Variants in PTPRD observed in about 807,000 individuals in gnomAD.
PTPRD encodes protein tyrosine phosphatase receptor type D.
Under a neutral mutation model 214.5 loss-of-function variants are expected in PTPRD, and 34 were observed. That is an observed-to-expected ratio of 0.16 (90% CI 0.12 to 0.21). The LOEUF (loss-of-function observed/expected upper bound fraction) is 0.21. PTPRD is among the 10% of genes least tolerant of loss of function. PTPRD has a pLI of 1.00. For synonymous variants in PTPRD, 1,128 were observed against 845.7 expected (o/e 1.33, Z -5.79); for missense variants, 2,545 against 2,398.7 (o/e 1.06, Z -1.27).
intron 7 of PTPRD, among the ~76,000 whole-genome samples, chr9:9,639,828 A>C (rs2095879023): frequency 6.6e-6 from 1 of 151,998 alleles, no homozygotes; most frequent in Non-Finnish European, 1.5e-5. Flanking sequence ...GTTTGTATTA[A>C]CTCTTTGGTG....
At chr9:8,498,286 T>C (rs1007269337) in intron 25 of PTPRD, among the ~76,000 whole-genome samples, 1 of 152,204 alleles carries the variant, frequency 6.6e-6, no homozygotes, top group African/African-American at 2.4e-5. Flanking sequence ...TTTTTTAATT[T>C]TATTTTTTGA....
At chr9:8,534,379 G>A (rs1039334447) in intron 14 of PTPRD, among the ~76,000 whole-genome samples, 1 of 151,820 alleles carries the variant, frequency 6.6e-6, no homozygotes, top group African/African-American at 2.4e-5. Flanking sequence ...AAAAAGCCCA[G>A]GAGTGAACCA....
chr9:9,088,099 C>G (rs1326274138), intron 10 of PTPRD, among the ~76,000 whole-genome samples: 1 of 151,264 alleles, frequency 6.6e-6, no homozygotes, highest in African/African-American at 2.4e-5. Context: ...CCAGGCTGGT[C>G]TTGAACTCCT....
chr9:8,501,382 G>A (rs1261659021), intron 23 of PTPRD, among the ~76,000 whole-genome samples: 6 of 152,040 alleles, frequency 3.9e-5, no homozygotes, highest in Non-Finnish European at 8.8e-5. Flanking sequence ...CAATCCCTCA[G>A]TATCTCCCAC....
intron 14 of PTPRD, among the ~76,000 whole-genome samples, chr9:8,570,261 C>G (rs1375688796): frequency 6.6e-6 from 1 of 152,082 alleles, no homozygotes; most frequent in Admixed American, 6.6e-5. Flanking sequence ...ATTTATTGCA[C>G]TTCAGTAACA....
chr9:10,502,265 A>G (rs983863242), intron 2 of PTPRD, among the ~76,000 whole-genome samples: 1 of 151,914 alleles, frequency 6.6e-6, no homozygotes, highest in Non-Finnish European at 1.5e-5. Flanking sequence ...AATTAAGACT[A>G]CATTAGAGAA....
At chr9:10,126,274 T>G (rs2098818440) in intron 3 of PTPRD, among the ~76,000 whole-genome samples, 1 of 152,154 alleles carries the variant, frequency 6.6e-6, no homozygotes, top group African/African-American at 2.4e-5. Flanking sequence ...ACATGGCATT[T>G]ACGTATTGTA....
At chr9:9,220,703 G>A (rs1181479655) in intron 9 of PTPRD, among the ~76,000 whole-genome samples, 3 of 152,116 alleles carry the variant, frequency 2.0e-5, no homozygotes, top group Admixed American at 6.6e-5. Flanking sequence ...AACTACATTT[G>A]ACATATACTG....
intron 11 of PTPRD, among the ~76,000 whole-genome samples, chr9:9,018,182 T>A (rs1266044488): frequency 6.6e-6 from 1 of 152,066 alleles, no homozygotes; most frequent in Non-Finnish European, 1.5e-5. Flanking sequence ...TCCCAACACA[T>A]CTCATTCCAC....
chr9:10,573,215 C>T lies in PTPRD; in HGVS notation c.-600+39183G>A, dbSNP rs73642017. 3.3e-5 allele frequency among the ~76,000 whole-genome samples: 5 copies of T among 152,192 alleles called. No individual in the cohort carries two copies. The South Asian group carries it at 1.0e-3, about 32-fold the overall frequency. ...TGCTAATTTCACCAAAAGAATTAAT[C>T]TTATTTTATATCTGTACATTTTGAT... On this transcript the variant is annotated intron_variant, in intron 2 of 45. Transcript: ENST00000381196.
chr9:9,903,078 A>G (rs10816219), intron 5 of PTPRD, among the ~76,000 whole-genome samples: 95,403 of 151,886 alleles, frequency 0.63, 31,461 homozygotes, highest in Admixed American at 0.74. Flanking sequence ...TGAGCTAAAG[A>G]CATATATTCT....
intron 6 of PTPRD, among the ~76,000 whole-genome samples, chr9:9,765,347 G>A (rs1254324247): frequency 2.0e-5 from 3 of 152,180 alleles, no homozygotes; most frequent in East Asian, 3.9e-4. Context: ...CAAGCATTAC[G>A]TTTGCATGAG....
Position 9,352,323 on chromosome 9 carries a change from A to ATG in PTPRD, c.-203+45125_-203+45126insCA, listed in dbSNP as rs1254185664. On this transcript the variant is annotated intron_variant, in intron 9 of 45. Coordinates refer to ENST00000381196, the MANE Select transcript of PTPRD (RefSeq NM_002839.4). The stretch of plus-strand genomic sequence containing the variant: ...CTGCCAAAAAACCATATATATATAT[A>ATG]TATATGTGTGTGTGTGTGTGTGTGT... 4.7e-4 allele frequency among the ~76,000 whole-genome samples: 52 copies of ATG among 110,544 alleles called. No individual in the cohort carries two copies. In the East Asian group the frequency reaches 0.018, roughly 38 times the overall value. The allele number at this position is 110,544 out of a possible 152,430, so 72.5% of individuals were successfully genotyped here. A position where few individuals can be genotyped will look rare whatever the true frequency, so the allele number is the denominator to read the frequency against.
At chr9:9,141,029 G>T (rs1322293197) in intron 10 of PTPRD, among the ~76,000 whole-genome samples, 11 of 151,928 alleles carry the variant, frequency 7.2e-5, no homozygotes, top group Non-Finnish European at 1.6e-4. Context: ...TGGAATTCAA[G>T]CTTGGTGTTT....
intron 3 of PTPRD, among the ~76,000 whole-genome samples, chr9:10,264,778 G>T (rs2093940592): frequency 6.6e-6 from 1 of 152,052 alleles, no homozygotes; most frequent in Admixed American, 6.6e-5. Flanking sequence ...GGGGCGGAAT[G>T]ATATGGTTTT....
intron 5 of PTPRD, among the ~76,000 whole-genome samples, chr9:9,894,357 G>A (rs867011504): frequency 3.0e-4 from 46 of 152,112 alleles, no homozygotes; most frequent in African/African-American, 1.1e-3. Flanking sequence ...AAAGGATCCT[G>A]AAGGCCCTGT....
At chr9:9,924,985 T>C (rs1211355247) in intron 5 of PTPRD, among the ~76,000 whole-genome samples, 1 of 152,122 alleles carries the variant, frequency 6.6e-6, no homozygotes, top group African/African-American at 2.4e-5. Flanking sequence ...ATAAAATATG[T>C]TTACTATAAT....
chr9:9,024,517 G>C lies in PTPRD; in HGVS notation c.-142-5782C>G, dbSNP rs80302851. Among the ~76,000 whole-genome samples the C allele has an allele frequency of 4.6e-5, 7 of 151,202 alleles. 1 individual carries two copies. The East Asian group carries it at 1.2e-3, about 25-fold the overall frequency. ...CTATTGCCAAATTATACTCCAAAAA[G>C]GTAATAACATTTATCACTCCTACAA... On this transcript the variant is annotated intron_variant, in intron 10 of 45. Transcript: ENST00000381196.
intron 9 of PTPRD, among the ~76,000 whole-genome samples, chr9:9,371,568 TG>T (rs1216692258): frequency 3.9e-5 from 6 of 152,232 alleles, no homozygotes; most frequent in Non-Finnish European, 8.8e-5. Flanking sequence ...AACCAGCTCC[TG>T]GATTCATTGA....
Sources: gnomAD v4.1 joint callset for allele counts (sites outside exome capture counted in the v4.1 genomes callset) on GRCh38, gnomAD v4.1.1 for gene constraint, MANE v1.5 for transcripts, NCBI Gene and HGNC (gene_info 2026-07-23, HGNC 2026-07-21) for gene names.